CAMKMT: variants seen among roughly 807,000 people sequenced by gnomAD.
The protein encoded by CAMKMT is calmodulin-lysine N-methyltransferase.
A neutral mutation model predicts 48.0 loss-of-function variants in CAMKMT; 53 were observed. The ratio of observed to expected loss-of-function variants is 1.10; its 90% CI spans 0.89 to 1.39. The LOEUF (loss-of-function observed/expected upper bound fraction) is 1.39, where lower values mean the gene tolerates loss of function less well. Ranked by LOEUF, CAMKMT falls within the 40% of genes most tolerant of loss-of-function variation. The pLI, the probability that CAMKMT is intolerant of heterozygous loss-of-function variation, is 0.00. For missense variants in CAMKMT, 428 were observed against 402.7 expected (o/e 1.06, Z -0.54); for synonymous variants, 165 against 152.3 (o/e 1.08, Z -0.61).
chr2:44,473,214 G>T (rs1668516539), intron 3 of CAMKMT, among the ~76,000 whole-genome samples: 1 of 151,870 alleles, frequency 6.6e-6, no homozygotes, highest in Non-Finnish European at 1.5e-5. Flanking sequence ...TTTTTTTGTG[G>T]GCATTTCCTT....
rs144823513 is a variant in CAMKMT, at chr2:44,713,831, G to A, written c.557-1456G>A. Among the ~76,000 whole-genome samples, 362 of 152,252 alleles carry A rather than the reference G, an allele frequency of 2.4e-3. 1 individual carries two copies. Among genetic ancestry groups the A allele is most frequent in the African/African-American group, 8.3e-3 (346 of 41,556 alleles). On this transcript the variant is annotated intron_variant, in intron 6 of 10. Coordinates refer to ENST00000378494, the MANE Select transcript of CAMKMT (RefSeq NM_024766.5). ...GAGATTTGGGTTAAAAAGTCCTGTG[G>A]CTCTGTTTTTGCAGGGAGATCTTGG...
At position 44,618,724 on chromosome 2, in the gene CAMKMT, G is replaced by C. The variant is rs887060201; in HGVS notation, c.377-85559G>C. Reference sequence around the variant, plus strand: ...TCATGCTTAAAATATTCATATGAAGGTTTGAAATATTTATTTGAAGGCGCC... The same window carrying C: ...TCATGCTTAAAATATTCATATGAAGCTTTGAAATATTTATTTGAAGGCGCC... On this transcript the variant is annotated intron_variant, in intron 3 of 10. Coordinates refer to ENST00000378494, the MANE Select transcript of CAMKMT (RefSeq NM_024766.5). This position sits in a 1 kb window ranked among gnomAD's most constrained non-coding sequence, Gnocchi z 4.0. 4.6e-5 allele frequency among the ~76,000 whole-genome samples: 7 copies of C among 152,178 alleles called. No homozygotes were observed. The highest frequency in any genetic ancestry group is 1.7e-4 in the African/African-American group (7 of 41,436).
intron 3 of CAMKMT, among the ~76,000 whole-genome samples, chr2:44,503,861 C>T (rs937050008): frequency 6.6e-6 from 1 of 151,948 alleles, no homozygotes; most frequent in East Asian, 1.9e-4. Context: ...TTGCTGAGTT[C>T]GTCTCCTGGC....
At chr2:44,500,755 C>T (rs1040658809) in intron 3 of CAMKMT, among the ~76,000 whole-genome samples, 3 of 150,770 alleles carry the variant, frequency 2.0e-5, no homozygotes, top group Admixed American at 2.0e-4. Flanking sequence ...AATCTCAGCT[C>T]ACTGTAACCT....
chr2:44,364,289 A>G (rs1312774264), intron 1 of CAMKMT, among the ~76,000 whole-genome samples: 1 of 152,084 alleles, frequency 6.6e-6, no homozygotes, highest in Non-Finnish European at 1.5e-5. Flanking sequence ...TTTGGTATAT[A>G]TCTGCCTGCT....
chr2:44,364,009 T>C (rs1572626414), intron 1 of CAMKMT, among the ~76,000 whole-genome samples: 2 of 121,004 alleles, frequency 1.7e-5, no homozygotes, highest in Admixed American at 9.2e-5. Flanking sequence ...CCCCCACCCT[T>C]CCTTTTTTTT....
At chr2:44,487,195 A>T (rs950304900) in intron 3 of CAMKMT, among the ~76,000 whole-genome samples, 2 of 152,200 alleles carry the variant, frequency 1.3e-5, no homozygotes, top group Non-Finnish European at 2.9e-5. Context: ...AGAACAAACT[A>T]CTTTTCTCAG....
At chr2:44,742,926 A>G (rs1679761185) in intron 7 of CAMKMT, among the ~76,000 whole-genome samples, 1 of 152,248 alleles carries the variant, frequency 6.6e-6, no homozygotes, top group Admixed American at 6.5e-5. Context: ...AATCATTAAA[A>G]TACTTGAATA....
chr2:44,741,714 G>C (rs1236522623), intron 7 of CAMKMT, among the ~76,000 whole-genome samples: 1 of 152,140 alleles, frequency 6.6e-6, no homozygotes, highest in African/African-American at 2.4e-5. Context: ...GACCAAGCCA[G>C]GCATTTCAAT....
At chr2:44,760,606 A>G (rs1680577455) in intron 9 of CAMKMT, among the ~76,000 whole-genome samples, 1 of 140,628 alleles carries the variant, frequency 7.1e-6, no homozygotes, top group Non-Finnish European at 1.5e-5. Context: ...GCGAGATTCC[A>G]TCTCAAAAAA....
intron 3 of CAMKMT, among the ~76,000 whole-genome samples, chr2:44,558,765 A>G (rs927325314): frequency 1.3e-5 from 2 of 152,140 alleles, no homozygotes; most frequent in Admixed American, 1.3e-4. Context: ...AGAACAATAG[A>G]CACTTGGGAC....
intron 3 of CAMKMT, among the ~76,000 whole-genome samples, chr2:44,445,422 C>G (rs553979941): frequency 2.4e-4 from 37 of 152,196 alleles, no homozygotes; most frequent in African/African-American, 8.7e-4. Flanking sequence ...GTTTGTATCC[C>G]TTTCAAATGC....
chr2:44,689,385 G>A (rs924102299), intron 3 of CAMKMT, among the ~76,000 whole-genome samples: 14 of 151,286 alleles, frequency 9.3e-5, no homozygotes, highest in African/African-American at 3.4e-4. Context: ...TGCAACCTCC[G>A]CCTCCCCGGT....
At chr2:44,696,446 G>T (rs954986821) in intron 3 of CAMKMT, among the ~76,000 whole-genome samples, 1 of 152,174 alleles carries the variant, frequency 6.6e-6, no homozygotes, top group African/African-American at 2.4e-5. Context: ...AAACTAAGGA[G>T]AATTGATTGA....
intron 3 of CAMKMT, among the ~76,000 whole-genome samples, chr2:44,656,703 A>C (rs979329250): frequency 2.0e-5 from 3 of 151,290 alleles, no homozygotes; most frequent in Admixed American, 2.0e-4. Flanking sequence ...GGTCCCCCCC[A>C]CCCCACCTTT....
chr2:44,710,131 A>T (rs1677802510), intron 6 of CAMKMT, among the ~76,000 whole-genome samples: 1 of 150,780 alleles, frequency 6.6e-6, no homozygotes, highest in Non-Finnish European at 1.5e-5. Context: ...GCATTTCCTG[A>T]TATTTCCTTT....
intron 3 of CAMKMT, among the ~76,000 whole-genome samples, chr2:44,420,413 C>T (rs1246518950): frequency 1.3e-5 from 2 of 152,050 alleles, no homozygotes; most frequent in Non-Finnish European, 2.9e-5. Context: ...GACTCTTGAA[C>T]AATGCAGGGG....
chr2:44,503,018 G>A (rs1014834027), intron 3 of CAMKMT, among the ~76,000 whole-genome samples: 8 of 152,014 alleles, frequency 5.3e-5, no homozygotes, highest in Non-Finnish European at 1.5e-5. Flanking sequence ...TTATAGCCAA[G>A]TGCTTGCTTG....
rs74532699 is a variant in CAMKMT, at chr2:44,615,727, C to T, written c.377-88556C>T. On this transcript the variant is annotated intron_variant, in intron 3 of 10. Coordinates refer to ENST00000378494, the MANE Select transcript of CAMKMT (RefSeq NM_024766.5). ...ATTGTAATGTGTTTTTTTAACCACACCCTATAATTTAAGTAACAATAGGAT... is the reference window on the plus strand; with the variant it reads ...ATTGTAATGTGTTTTTTTAACCACATCCTATAATTTAAGTAACAATAGGAT... 2.6e-3 allele frequency among the ~76,000 whole-genome samples: 402 copies of T among 152,102 alleles called. 1 individual carries two copies. Among genetic ancestry groups the T allele is most frequent in the African/African-American group, 9.1e-3 (378 of 41,488 alleles).
Sources: gnomAD v4.1 joint callset for allele counts (sites outside exome capture counted in the v4.1 genomes callset) on GRCh38, gnomAD v4.1.1 for gene constraint, Gnocchi (gnomAD v3.1) non-coding constraint, MANE v1.5 for transcripts, NCBI Gene and HGNC (gene_info 2026-07-23, HGNC 2026-07-21) for gene names.